DMD: variants seen among roughly 807,000 people sequenced by gnomAD.
DMD encodes dystrophin.
Under a neutral mutation model 330.1 loss-of-function variants are expected in DMD, and 63 were observed. That is an observed-to-expected ratio of 0.19 (90% CI 0.16 to 0.24). The LOEUF (loss-of-function observed/expected upper bound fraction) is 0.24. Ranked by LOEUF, DMD falls within the 10% of genes least tolerant of loss-of-function variation. The probability of loss-of-function intolerance (pLI) is 1.00; values close to 1 mark genes in which losing one functional copy is unlikely to be tolerated. For synonymous variants in DMD, 1,223 were observed against 959.8 expected (o/e 1.27, Z -5.07); for missense variants, 3,344 against 2,684.1 (o/e 1.25, Z -5.43).
At chrX:31,482,250 T>C (rs1232601563) in intron 57 of DMD, among the ~76,000 whole-genome samples, 1 of 98,021 alleles carries the variant, frequency 1.0e-5, no homozygotes, top group Non-Finnish European at 2.0e-5. Context: ...GGGGGTGTTC[T>C]GTGCATGGGG....
At chrX:32,201,202 A>G (rs1326938857) in intron 44 of DMD, among the ~76,000 whole-genome samples, 3 of 112,282 alleles carry the variant, frequency 2.7e-5, no homozygotes, top group African/African-American at 9.7e-5. Flanking sequence ...AAGAGATTAA[A>G]AATCATGAAT....
At chrX:32,822,493 GAT>G (rs2078348268) in intron 5 of DMD, among the ~76,000 whole-genome samples, 1 of 109,994 alleles carries the variant, frequency 9.1e-6, no homozygotes, top group East Asian at 2.8e-4. Flanking sequence ...TACATATTAT[GAT>G]TATACTATTA....
rs182227855 is a variant in DMD, at chrX:32,456,136, G to A, written c.3433-1304C>T. ...ATGCACAGTTTTAGTAAAATGAAGT[G>A]TTCATGGTACTTTGCCCAATAGTAA... On this transcript the variant is annotated intron_variant, in intron 25 of 78. Transcript: ENST00000357033. Among the ~76,000 whole-genome samples, 13 of 110,855 alleles carry A rather than the reference G, an allele frequency of 1.2e-4. No homozygotes were observed. The East Asian group carries it at 3.1e-3, about 27-fold the overall frequency.
chrX:31,458,029 C>A (rs745319610), intron 59 of DMD, among the ~76,000 whole-genome samples: 31 of 111,344 alleles, frequency 2.8e-4, no homozygotes, highest in Non-Finnish European at 4.5e-4. Flanking sequence ...TTATTTCTTG[C>A]AAACAAAATA....
chrX:33,126,422 G>A (rs998973378), intron 1 of DMD, among the ~76,000 whole-genome samples: 1 of 111,290 alleles, frequency 9.0e-6, no homozygotes, highest in Non-Finnish European at 1.9e-5. Flanking sequence ...TGCAGAGGTT[G>A]GGGCCCCACT....
chrX:31,332,488 T>G (rs1434625153), intron 61 of DMD, among the ~76,000 whole-genome samples: 3 of 111,749 alleles, frequency 2.7e-5, no homozygotes, highest in Non-Finnish European at 5.6e-5. Context: ...AAAAATATCC[T>G]CCAGCCAAAG....
chrX:32,034,738 T>A (rs758639483), intron 44 of DMD, among the ~76,000 whole-genome samples: 1 of 111,722 alleles, frequency 9.0e-6, no homozygotes, highest in South Asian at 3.7e-4. Context: ...ATTTCACACA[T>A]ATTTTGCTTT....
chrX:32,657,599 A>C (rs968202243), intron 9 of DMD, among the ~76,000 whole-genome samples: 2 of 111,986 alleles, frequency 1.8e-5, no homozygotes, highest in African/African-American at 6.5e-5. Flanking sequence ...GAGATTCATG[A>C]AGTCCAGAGA....
chrX:33,007,755 T>C (rs2093425039), intron 2 of DMD, among the ~76,000 whole-genome samples: 1 of 111,529 alleles, frequency 9.0e-6, no homozygotes, highest in Admixed American at 9.6e-5. Context: ...TGTGTATTTC[T>C]GTCAAAGCAT....
At chrX:31,175,468 A>G (rs1291371520) in intron 71 of DMD, among the ~76,000 whole-genome samples, 1 of 111,343 alleles carries the variant, frequency 9.0e-6, no homozygotes, top group East Asian at 2.8e-4. Flanking sequence ...CATAAGCACA[A>G]GAACTTACAA....
At position 31,293,163 on chromosome X, in the gene DMD, G is replaced by GGTGTGTGTGT. The variant is rs762778210; in HGVS notation, c.9224+30425_9224+30434dup. On this transcript the variant is annotated intron_variant, in intron 62 of 78. Coordinates refer to ENST00000357033, the MANE Select transcript of DMD (RefSeq NM_004006.3). The stretch of plus-strand genomic sequence containing the variant: ...CTCTCTCTCACCACTCCCCCAACCC[G>GGTGTGTGTGT]GTGTGTGTGTGTGTGTGTGTGTGTG... Among the ~76,000 whole-genome samples the GGTGTGTGTGT allele has an allele frequency of 7.5e-3, 532 of 70,544 alleles. 37 individuals carry two copies. Among genetic ancestry groups the GGTGTGTGTGT allele is most frequent in the African/African-American group, 0.038 (440 of 11,594 alleles). 61.3% of individuals were successfully genotyped at this position (70,544 alleles called of 115,157 possible). A position where few individuals can be genotyped will look rare whatever the true frequency, so the allele number is the denominator to read the frequency against.
intron 50 of DMD, among the ~76,000 whole-genome samples, chrX:31,815,919 GGAT>G (rs779924492): frequency 7.6e-4 from 85 of 111,932 alleles, no homozygotes; most frequent in African/African-American, 2.7e-3. Context: ...CTAGCCTACA[GGAT>G]GATGAGTGGC....
intron 25 of DMD, among the ~76,000 whole-genome samples, chrX:32,455,721 C>CAT (rs1257071713): frequency 9.0e-6 from 1 of 111,013 alleles, no homozygotes; most frequent in African/African-American, 3.3e-5. Context: ...TAAATTATGA[C>CAT]ATATATATAC....
At chrX:31,326,711 T>C (rs1027799439) in intron 61 of DMD, among the ~76,000 whole-genome samples, 3 of 111,280 alleles carry the variant, frequency 2.7e-5, no homozygotes, top group African/African-American at 6.5e-5. Flanking sequence ...AATTGGATGA[T>C]AGTTCTACGG....
chrX:31,473,779 A>G (rs930984529), intron 59 of DMD, among the ~76,000 whole-genome samples: 36 of 110,751 alleles, frequency 3.3e-4, no homozygotes, highest in African/African-American at 1.0e-3. Flanking sequence ...CTGAAGAACA[A>G]AAATCTTGTA....
At chrX:32,677,818 T>C (rs980641098) in intron 9 of DMD, among the ~76,000 whole-genome samples, 1 of 111,849 alleles carries the variant, frequency 8.9e-6, no homozygotes, top group African/African-American at 3.2e-5. Context: ...GTGCTCATTA[T>C]AGCACGATTA....
intron 42 of DMD, among the ~76,000 whole-genome samples, chrX:32,300,762 TTAGTG>T (rs1300061010): frequency 9.0e-6 from 1 of 111,006 alleles, no homozygotes; most frequent in Admixed American, 9.7e-5. Context: ...AGGATACGCT[TTAGTG>T]TTGTGTGACT....
chrX:32,427,046 C>A (rs2098216086), intron 29 of DMD, among the ~76,000 whole-genome samples: 1 of 111,172 alleles, frequency 9.0e-6, no homozygotes, highest in Admixed American at 9.6e-5. Context: ...GTACACCAAC[C>A]CCCCATGACA....
chrX:33,041,789 A>T (rs753626896), intron 1 of DMD: 70 of 1,027,381 alleles, frequency 6.8e-5, no homozygotes, highest in Non-Finnish European at 8.9e-5. Flanking sequence ...ATTATTTTTG[A>T]CCACTGCGGT....
Sources: allele counts gnomAD v4.1 joint callset (sites outside exome capture counted in the v4.1 genomes callset), GRCh38; gene constraint gnomAD v4.1.1; transcripts MANE v1.5; gene names NCBI Gene and HGNC (gene_info 2026-07-23, HGNC 2026-07-21).